FAM120C: variants seen among roughly 807,000 people sequenced by gnomAD.
FAM120C encodes constitutive coactivator of PPAR-gamma-like protein 2.
FAM120C carries 14 observed loss-of-function variants against 71.2 expected under a neutral mutation model. That is an observed-to-expected ratio of 0.20 (90% CI 0.13 to 0.31). FAM120C has a LOEUF of 0.31. FAM120C is among the 10% of genes least tolerant of loss of function. FAM120C has a pLI of 1.00. For synonymous variants in FAM120C, 354 were observed against 353.2 expected, an observed-to-expected ratio of 1.00 and a Z score of -0.03; for missense variants, 500 against 879.0, an observed-to-expected ratio of 0.57 and a Z score of 5.45.
chrX:54,088,073 CATTCA>C, intron 11 of FAM120C, 109 bp from the exon 12 acceptor site: 1 of 642,809 alleles, frequency 1.6e-6, no homozygotes, highest in Admixed American at 3.2e-5. Flanking sequence ...AACATGCTGT[CATTCA>C]ATGTAGACAT....
chrX:54,081,441 G>T lies in FAM120C; in HGVS notation c.2859C>A (p.Pro953=). Residue 953 remains proline (P), a synonymous_variant, in exon 14 of 16, where the codon CCC becomes CCA. Transcript: ENST00000375180. ...RGFAGLHPIP[P]QGGKLEIAGM... is the part of the protein sequence containing the mutation. ...CAGCAATCTCCAGTTTTCCTCCTTG[G>T]GGTGGGATTGGATGGAGACCTGGCA... 8.3e-7 allele frequency: 1 copy of T among 1,208,738 alleles called. No individual in the cohort carries two copies. Among genetic ancestry groups the T allele is most frequent in the Middle Eastern group, 2.3e-4 (1 of 4,342 alleles).
At chrX:54,087,705 A>C (rs2066801977) in intron 12 of FAM120C, 50 bp downstream of exon 12, 1 of 1,120,161 alleles carries the variant, frequency 8.9e-7, no homozygotes, top group African/African-American at 1.8e-5. Flanking sequence ...CTGCCCATTC[A>C]CTCCCACAGG....
intron 4 of FAM120C, among the ~76,000 whole-genome samples, chrX:54,138,445 A>G (rs2067105491): frequency 1.0e-5 from 1 of 96,681 alleles, no homozygotes; most frequent in Non-Finnish European, 2.0e-5. Flanking sequence ...GGCTGCAGTG[A>G]GCCGAAATTG....
intron 1 of FAM120C, among the ~76,000 whole-genome samples, chrX:54,178,831 A>G (rs782048056): frequency 8.9e-6 from 1 of 111,983 alleles, no homozygotes; most frequent in Admixed American, 9.5e-5. Context: ...TTCATATGCC[A>G]CCAACATGAT....
intron 10 of FAM120C, among the ~76,000 whole-genome samples, chrX:54,113,140 T>C (rs1400033514): frequency 9.0e-6 from 1 of 111,501 alleles, no homozygotes; most frequent in Non-Finnish European, 1.9e-5. Flanking sequence ...GTTCAGGACA[T>C]TGGTCTAGGT....
chrX:54,177,448 T>C (rs2067324683), intron 1 of FAM120C, among the ~76,000 whole-genome samples: 1 of 111,220 alleles, frequency 9.0e-6, no homozygotes, highest in Admixed American at 9.6e-5. Context: ...AAGGATCCGA[T>C]GACCAAGTAA....
At chrX:54,174,881 C>T (rs1279969767) in intron 1 of FAM120C, among the ~76,000 whole-genome samples, 4 of 112,101 alleles carry the variant, frequency 3.6e-5, no homozygotes, top group African/African-American at 6.5e-5. Flanking sequence ...TACAGATGAA[C>T]GGGCAAGGGT....
Position 54,068,986 on chromosome X carries a change from A to T in FAM120C, c.*4047T>A, listed in dbSNP as rs2146546117. The T allele has an allele frequency of 8.9e-6, 1 of 112,101 alleles. No homozygotes were observed. Among genetic ancestry groups the T allele is most frequent in the African/African-American group, 3.2e-5 (1 of 30,935 alleles). The allele number at this position is 112,101 out of a possible 1,213,427, so 9.2% of individuals were successfully genotyped here. A position where few individuals can be genotyped will look rare whatever the true frequency, so the allele number is the denominator to read the frequency against. Reference sequence around the variant, plus strand: ...AATTCACTAGTCATTAGTTACTACCAACACGGACAAAAAGAGCATCTATAA... The same window carrying T: ...AATTCACTAGTCATTAGTTACTACCTACACGGACAAAAAGAGCATCTATAA... On this transcript the variant is annotated 3_prime_UTR_variant, in exon 16 of 16. Coordinates refer to ENST00000375180, the MANE Select transcript of FAM120C (RefSeq NM_017848.6).
intron 1 of FAM120C, among the ~76,000 whole-genome samples, chrX:54,167,740 G>A (rs2146643700): frequency 9.1e-6 from 1 of 109,390 alleles, no homozygotes; most frequent in East Asian, 2.9e-4. Context: ...GCCAAGGCAG[G>A]CAGAACACAA....
intron 4 of FAM120C, among the ~76,000 whole-genome samples, chrX:54,140,373 C>A (rs1253804522): frequency 9.2e-6 from 1 of 108,795 alleles, no homozygotes; most frequent in Non-Finnish European, 1.9e-5. Context: ...AATCCCAGCA[C>A]TTTGGTAAGC....
In FAM120C at chrX:54,183,006, G is replaced by A. The variant is rs2067362979; in HGVS notation, c.193C>T (p.Pro65Ser). 1.7e-6 allele frequency: 2 copies of A among 1,159,239 alleles called. No homozygotes were observed. The highest frequency in any genetic ancestry group is 6.5e-5 in the East Asian group (2 of 30,664). ...RAARGSVPLQ[P>S]PLPPAALGAY... The stretch of plus-strand genomic sequence containing the variant: ...CCCAAGGCAGCGGGCGGAAGCGGCG[G>A]TTGCAGAGGCACGGAGCCCCTGGCG... The change falls in exon 1 of 16, where the codon CCG becomes TCG. Residue 65 changes from proline (P) to serine (S), a missense_variant. Pro to Ser is a moderately conservative substitution (Grantham distance 74, BLOSUM62 -1). Around this residue, in one of 11 missense-constraint regions of FAM120C, gnomAD observed 79 missense variants for 78.3 expected, o/e 1.01. Transcript: ENST00000375180.
chrX:54,134,132 G>C, intron 7 of FAM120C, 86 bp from the exon 8 acceptor site: 1 of 984,653 alleles, frequency 1.0e-6, no homozygotes, highest in Non-Finnish European at 1.4e-6. Context: ...TGGACCCAAG[G>C]GGTCTCACAA....
intron 4 of FAM120C, among the ~76,000 whole-genome samples, chrX:54,143,942 G>C (rs782209626): frequency 1.8e-5 from 2 of 111,858 alleles, no homozygotes; most frequent in African/African-American, 6.5e-5. Flanking sequence ...GAATCCAGCA[G>C]CACATCAAAA....
intron 1 of FAM120C, among the ~76,000 whole-genome samples, chrX:54,173,230 A>G (rs980909813): frequency 1.8e-5 from 2 of 112,542 alleles, no homozygotes; most frequent in Middle Eastern, 4.7e-3. Context: ...TCATTTCAGC[A>G]TTCATCATTT....
At chrX:54,107,665 G>A (rs982387434) in intron 10 of FAM120C, among the ~76,000 whole-genome samples, 1 of 103,694 alleles carries the variant, frequency 9.6e-6, no homozygotes, top group Non-Finnish European at 1.9e-5. Flanking sequence ...GATTAGAGGC[G>A]TGTGCCACTA....
chrX:54,165,673 G>A (rs782207387), intron 1 of FAM120C, among the ~76,000 whole-genome samples: 203 of 110,316 alleles, frequency 1.8e-3, no homozygotes, highest in African/African-American at 6.2e-3. Flanking sequence ...GCTACTCGGG[G>A]GGCTAAGGCA....
chrX:54,112,582 C>T (rs1379976996), intron 10 of FAM120C, among the ~76,000 whole-genome samples: 1 of 111,310 alleles, frequency 9.0e-6, no homozygotes, highest in Non-Finnish European at 1.9e-5. Context: ...TGGCTCATGC[C>T]TGTAATCCCA....
chrX:54,105,155 G>T (rs781891668), intron 10 of FAM120C, among the ~76,000 whole-genome samples: 9 of 111,357 alleles, frequency 8.1e-5, no homozygotes, highest in Non-Finnish European at 1.5e-4. Flanking sequence ...TGCGAAAATC[G>T]TCAAGAAAAT....
intron 10 of FAM120C, among the ~76,000 whole-genome samples, chrX:54,093,168 C>G (rs886538144): frequency 4.5e-5 from 5 of 111,669 alleles, no homozygotes; most frequent in Non-Finnish European, 9.4e-5. Flanking sequence ...GTGACTGATG[C>G]ATTAATCTGG....
Sources: gnomAD v4.1 joint callset for allele counts (sites outside exome capture counted in the v4.1 genomes callset) on GRCh38, gnomAD v4.1.1 for gene constraint, gnomAD v4.1.1 regional missense constraint, MANE v1.5 for transcripts, NCBI Gene and HGNC (gene_info 2026-07-23, HGNC 2026-07-21) for gene names.